Variants in SLC39A11 observed in about 807,000 individuals in gnomAD.
SLC39A11 encodes the protein solute carrier family 39 member 11, also known as zinc transporter ZIP11.
In SLC39A11, 33 loss-of-function variants were observed where a neutral mutation model predicts 36.1. The ratio of observed to expected loss-of-function variants is 0.91; its 90% confidence interval spans 0.69 to 1.22. SLC39A11 has a LOEUF of 1.22. Ranked by LOEUF, SLC39A11 falls within the 50% of genes most tolerant of loss-of-function variation. The pLI is 0.00. For missense variants in SLC39A11, 432 were observed against 430.3 expected (o/e 1.00, Z -0.03); for synonymous variants, 166 against 170.3 (o/e 0.97, Z 0.20).
At chr17:73,063,642 A>T (rs141276077) in intron 3 of SLC39A11, among the ~76,000 whole-genome samples, 158 of 152,284 alleles carry the variant, frequency 1.0e-3, no homozygotes, top group African/African-American at 3.4e-3. Flanking sequence ...AAAATTAAAA[A>T]TAAAACCTAT....
intron 6 of SLC39A11, among the ~76,000 whole-genome samples, chr17:72,797,340 G>C (rs1259907552): frequency 6.6e-6 from 1 of 152,112 alleles, no homozygotes; most frequent in African/African-American, 2.4e-5. Context: ...CCACATCTGT[G>C]AAATGGGGTT....
At chr17:72,957,955 T>G (rs1176507674) in intron 4 of SLC39A11, among the ~76,000 whole-genome samples, 1 of 152,172 alleles carries the variant, frequency 6.6e-6, no homozygotes, top group Non-Finnish European at 1.5e-5. Flanking sequence ...ATTGCACCAC[T>G]TCACTCCAGC....
intron 6 of SLC39A11, among the ~76,000 whole-genome samples, chr17:72,743,130 A>G (rs1411926022): frequency 6.6e-6 from 1 of 152,136 alleles, no homozygotes; most frequent in Non-Finnish European, 1.5e-5. Flanking sequence ...CAGCTTTGGG[A>G]GATTGGGGAA....
chr17:72,946,455 T>G (rs1446680153), intron 5 of SLC39A11, among the ~76,000 whole-genome samples: 1 of 152,220 alleles, frequency 6.6e-6, no homozygotes, highest in Non-Finnish European at 1.5e-5. Flanking sequence ...TTTGTACATT[T>G]GCTCTCCCTA....
intron 5 of SLC39A11, among the ~76,000 whole-genome samples, chr17:72,925,959 A>G (rs956146013): frequency 5.3e-5 from 8 of 152,248 alleles, no homozygotes; most frequent in Non-Finnish European, 1.0e-4. Context: ...GCTGTGAGGC[A>G]AAGCTGACTT....
At chr17:72,951,986 C>T (rs998943566) in intron 4 of SLC39A11, among the ~76,000 whole-genome samples, 17 of 152,026 alleles carry the variant, frequency 1.1e-4, no homozygotes, top group South Asian at 2.1e-4. Flanking sequence ...AAGAAAATCC[C>T]GCCCTAACTT....
chr17:72,661,838 G>A (rs553974611), intron 7 of SLC39A11, among the ~76,000 whole-genome samples: 1 of 152,208 alleles, frequency 6.6e-6, no homozygotes, highest in Non-Finnish European at 1.5e-5. Context: ...CTTCGAGGGG[G>A]TGAGGAAGAG....
At chr17:72,854,387 C>T (rs2079533012) in intron 5 of SLC39A11, among the ~76,000 whole-genome samples, 1 of 151,862 alleles carries the variant, frequency 6.6e-6, no homozygotes, top group Non-Finnish European at 1.5e-5. Context: ...GCAGTTGCTG[C>T]CGTGAGAAGG....
intron 7 of SLC39A11, among the ~76,000 whole-genome samples, chr17:72,702,851 C>T (rs763742272): frequency 5.7e-5 from 8 of 141,054 alleles, no homozygotes; most frequent in Admixed American, 2.4e-4. Flanking sequence ...GCAGGAGAAT[C>T]GCTTGAACCC....
At chr17:72,817,443 T>A (rs1247115469) in intron 6 of SLC39A11, among the ~76,000 whole-genome samples, 3 of 151,902 alleles carry the variant, frequency 2.0e-5, no homozygotes, top group African/African-American at 4.8e-5. Context: ...CCCAGGAGAA[T>A]GGCACCAAGG....
At chr17:72,735,158 G>C (rs931020677) in intron 7 of SLC39A11, among the ~76,000 whole-genome samples, 2 of 152,170 alleles carry the variant, frequency 1.3e-5, no homozygotes, top group African/African-American at 4.8e-5. Flanking sequence ...ATGAAGTTGA[G>C]AATAAGAAAA....
At chr17:72,807,879 G>C (rs2567493) in intron 6 of SLC39A11, among the ~76,000 whole-genome samples, 131,758 of 152,204 alleles carry the variant, frequency 0.87, 57,439 homozygotes, top group African/African-American at 0.96. Context: ...GCCAGATGGT[G>C]AGAAGCCCAG....
chr17:73,029,513 C>A (rs1048596632), intron 4 of SLC39A11, among the ~76,000 whole-genome samples: 1 of 152,196 alleles, frequency 6.6e-6, no homozygotes, highest in East Asian at 1.9e-4. Context: ...GGCCACTGGA[C>A]GCCACTACCA....
chr17:72,742,034 T>C (rs1451625231), intron 6 of SLC39A11, among the ~76,000 whole-genome samples: 4 of 152,024 alleles, frequency 2.6e-5, no homozygotes, highest in Non-Finnish European at 4.4e-5. Flanking sequence ...AAACCTCGTC[T>C]CTACTAAAAA....
intron 5 of SLC39A11, among the ~76,000 whole-genome samples, chr17:72,866,371 G>T (rs963327121): frequency 1.2e-4 from 18 of 152,156 alleles, no homozygotes; most frequent in Non-Finnish European, 2.2e-4. Context: ...TAGGTTAGGT[G>T]AGTTGTATAA....
At chr17:72,718,118 T>C (rs2073485464) in intron 7 of SLC39A11, among the ~76,000 whole-genome samples, 1 of 152,162 alleles carries the variant, frequency 6.6e-6, no homozygotes, top group South Asian at 2.1e-4. Flanking sequence ...TACCTAGGCT[T>C]GCATTTCGTA....
chr17:72,679,712 G>T (rs1307212457), intron 7 of SLC39A11, among the ~76,000 whole-genome samples: 1 of 152,200 alleles, frequency 6.6e-6, no homozygotes, highest in Non-Finnish European at 1.5e-5. Context: ...CTGGTGGGAG[G>T]TGGGCTTAGA....
chr17:72,832,414 G>A (rs570821872), intron 6 of SLC39A11, among the ~76,000 whole-genome samples: 2 of 152,222 alleles, frequency 1.3e-5, no homozygotes, highest in African/African-American at 2.4e-5. Context: ...CTCCCAAACC[G>A]CCATGCTGAG....
chr17:72,776,854 C>T (rs1157843301), intron 6 of SLC39A11, among the ~76,000 whole-genome samples: 2 of 152,180 alleles, frequency 1.3e-5, no homozygotes, highest in Non-Finnish European at 2.9e-5. Context: ...CACAGTAAAT[C>T]GAATCCCCAC....
Sources: allele counts gnomAD v4.1 joint callset (sites outside exome capture counted in the v4.1 genomes callset), GRCh38; gene constraint gnomAD v4.1.1; transcripts MANE v1.5; gene names NCBI Gene and HGNC (gene_info 2026-07-23, HGNC 2026-07-21).